TASP1: variants seen among roughly 807,000 people sequenced by gnomAD.
TASP1 encodes threonine aspartase 1.
In TASP1, 16 loss-of-function variants were observed where a neutral mutation model predicts 56.6. That is an observed-to-expected ratio of 0.28 (90% CI 0.19 to 0.43). TASP1 has a LOEUF of 0.43. Ranked by LOEUF, TASP1 falls within the 20% of genes least tolerant of loss-of-function variation. The pLI is 1.00. For synonymous variants in TASP1, 179 were observed against 184.2 expected (o/e 0.97, Z 0.23); for missense variants, 393 against 511.6 (o/e 0.77, Z 2.24).
At chr20:13,263,997 C>T in the TASP1 span, among the ~76,000 whole-genome samples, 1 of 151,976 alleles carries the variant, frequency 6.6e-6, no homozygotes, top group African/African-American at 2.4e-5. Flanking sequence ...CACATAAAAG[C>T]CACATTAGGG....
At chr20:13,485,748 TA>T (rs2043300650) in intron 10 of TASP1, among the ~76,000 whole-genome samples, 1 of 152,218 alleles carries the variant, frequency 6.6e-6, no homozygotes, top group African/African-American at 2.4e-5. Flanking sequence ...CCATTGTGCT[TA>T]GCTCATGAAA....
chr20:13,198,831 TTTCTTTCTTTCTTTCTTTCTTTCTTTCC>T, the TASP1 span, among the ~76,000 whole-genome samples: 3 of 145,836 alleles, frequency 2.1e-5, no homozygotes, highest in Non-Finnish European at 4.5e-5. Flanking sequence ...TCTTTCTTTC[TTTCTTTCTTTCTTTCTTTCTTTCTTTCC>T]TTCCTTCCTT....
At position 13,607,432 on chromosome 20, in the gene TASP1, C is replaced by T. The variant is rs1347191583; in HGVS notation, c.282+16014G>A. Among the ~76,000 whole-genome samples the T allele has an allele frequency of 3.3e-5, 5 of 152,200 alleles. No individual in the cohort carries two copies. In the East Asian group the frequency reaches 7.7e-4, roughly 23 times the overall value. The stretch of plus-strand genomic sequence containing the variant: ...AATAATATAAGAACTGTTTGCAAGG[C>T]TCCAGGGTATACTGCATCTCTGAGG... On this transcript the variant is annotated intron_variant, in intron 4 of 13. Coordinates refer to ENST00000337743, the MANE Select transcript of TASP1 (RefSeq NM_017714.3).
chr20:13,602,490 A>T (rs1222700154), intron 4 of TASP1, among the ~76,000 whole-genome samples: 2 of 152,232 alleles, frequency 1.3e-5, no homozygotes, highest in African/African-American at 4.8e-5. Flanking sequence ...CCTGCTAATT[A>T]AGATGCTAAT....
intron 11 of TASP1, among the ~76,000 whole-genome samples, chr20:13,453,998 T>C (rs2043729989): frequency 6.6e-6 from 1 of 151,504 alleles, no homozygotes; most frequent in Non-Finnish European, 1.5e-5. Context: ...AAGAAGGATG[T>C]TCCAGATGAA....
the TASP1 span, chr20:13,153,951 A>G: frequency 1.2e-6 from 2 of 1,601,886 alleles, no homozygotes; most frequent in Non-Finnish European, 1.7e-6. Context: ...CCGGACCTTT[A>G]CTTCCCTCTT....
the TASP1 span, among the ~76,000 whole-genome samples, chr20:13,261,685 C>T: frequency 1.3e-5 from 2 of 152,174 alleles, no homozygotes. Context: ...CGTCCAATGA[C>T]CTTTGAAACC....
the TASP1 span, among the ~76,000 whole-genome samples, chr20:13,280,392 C>A: frequency 4.0e-5 from 1 of 25,014 alleles, no homozygotes; most frequent in Non-Finnish European, 6.8e-5. Flanking sequence ...TTCAAAGTAA[C>A]CCCCCCCCCC....
chr20:13,460,844 CCTAT>C (rs2044027584), intron 11 of TASP1, among the ~76,000 whole-genome samples: 1 of 152,160 alleles, frequency 6.6e-6, no homozygotes, highest in Admixed American at 6.6e-5. Context: ...CTAATAGCCT[CCTAT>C]CTAGTCCGTC....
At chr20:13,293,314 G>T in the TASP1 span, among the ~76,000 whole-genome samples, 1 of 152,080 alleles carries the variant, frequency 6.6e-6, no homozygotes, top group South Asian at 2.1e-4. Flanking sequence ...AAACAAAATG[G>T]AAAGTGACTC....
intron 11 of TASP1, among the ~76,000 whole-genome samples, chr20:13,456,708 C>T (rs964746800): frequency 3.9e-5 from 6 of 151,966 alleles, no homozygotes; most frequent in African/African-American, 1.5e-4. Context: ...CATTGAAAGA[C>T]CAAATTGATT....
At chr20:13,438,845 G>A (rs2043109969) in intron 11 of TASP1, among the ~76,000 whole-genome samples, 1 of 152,132 alleles carries the variant, frequency 6.6e-6, no homozygotes, top group African/African-American at 2.4e-5. Context: ...AGTGGGCAAA[G>A]GATATGAACA....
At chr20:13,469,031 C>T (rs1008031741) in intron 11 of TASP1, among the ~76,000 whole-genome samples, 5 of 152,106 alleles carry the variant, frequency 3.3e-5, no homozygotes, top group Admixed American at 3.3e-4. Flanking sequence ...CATGGTCCCC[C>T]AAACTGGCCA....
chr20:13,560,163 A>C (rs934734760), intron 7 of TASP1, among the ~76,000 whole-genome samples: 1 of 152,220 alleles, frequency 6.6e-6, no homozygotes, highest in Non-Finnish European at 1.5e-5. Flanking sequence ...GAGAAATTAC[A>C]AACTGGAACA....
chr20:13,180,467 G>A, the TASP1 span, among the ~76,000 whole-genome samples: 1 of 152,140 alleles, frequency 6.6e-6, no homozygotes, highest in Non-Finnish European at 1.5e-5. Flanking sequence ...CAAAAATTAA[G>A]GGCAAAATAC....
chr20:13,270,548 T>C, the TASP1 span: 1 of 1,613,878 alleles, frequency 6.2e-7, no homozygotes, highest in Non-Finnish European at 8.5e-7. Context: ...AAACCAGCTT[T>C]TCTCTCTCCA....
the TASP1 span, among the ~76,000 whole-genome samples, chr20:13,193,554 T>C: frequency 6.6e-6 from 1 of 152,214 alleles, no homozygotes; most frequent in South Asian, 2.1e-4. Context: ...TTGCATATAC[T>C]AGTTAGAAAT....
At chr20:13,338,430 A>G in the TASP1 span, among the ~76,000 whole-genome samples, 2 of 152,058 alleles carry the variant, frequency 1.3e-5, no homozygotes, top group South Asian at 4.1e-4. Context: ...CCTTTTGCCA[A>G]CCTCCTAGCC....
intron 12 of TASP1, among the ~76,000 whole-genome samples, chr20:13,428,586 G>A (rs954201032): frequency 1.1e-4 from 17 of 152,248 alleles, no homozygotes; most frequent in East Asian, 1.9e-4. Context: ...TTTGCTTTGC[G>A]TTAAATCAGC....
Sources: gnomAD v4.1 joint callset for allele counts (sites outside exome capture counted in the v4.1 genomes callset) on GRCh38, gnomAD v4.1.1 for gene constraint, MANE v1.5 for transcripts, NCBI Gene and HGNC (gene_info 2026-07-23, HGNC 2026-07-21) for gene names.